COL23A1: variants seen among roughly 807,000 people sequenced by gnomAD.
COL23A1 encodes collagen alpha-1(XXIII) chain.
In COL23A1, 97 loss-of-function variants were observed where a neutral mutation model predicts 99.3. The ratio of observed to expected loss-of-function variants is 0.98; its 90% CI spans 0.83 to 1.16. COL23A1 has a LOEUF of 1.16. COL23A1 is among the 50% of genes most tolerant of loss of function. COL23A1 has a pLI of 0.00. For synonymous variants in COL23A1, 320 were observed against 308.2 expected (o/e 1.04, Z -0.40); for missense variants, 762 against 757.4 (o/e 1.01, Z -0.07).
At chr5:178,325,075 C>T (rs895819787) in intron 2 of COL23A1, among the ~76,000 whole-genome samples, 4 of 152,226 alleles carry the variant, frequency 2.6e-5, no homozygotes, top group African/African-American at 9.6e-5. Flanking sequence ...GGCTGAGTGA[C>T]CCGCTCAAAG....
chr5:178,479,233 C>G, intron 2 of COL23A1, among the ~76,000 whole-genome samples: 1 of 152,176 alleles, frequency 6.6e-6, no homozygotes, highest in Non-Finnish European at 1.5e-5. Flanking sequence ...CATTTTACAG[C>G]TGAAGAAATG....
rs143022710 is a variant in COL23A1 at position 178,324,718 on chromosome 5, G to C, written c.362-17799C>G. Reference sequence around the variant, plus strand: ...CGCGCACCCAGCCTCAGGATTCAATGAGCTGGGACAGAAGTGCCTCACCAG... The same window carrying C: ...CGCGCACCCAGCCTCAGGATTCAATCAGCTGGGACAGAAGTGCCTCACCAG... On this transcript the variant is annotated intron_variant, in intron 2 of 28. Coordinates refer to ENST00000390654, the MANE Select transcript of COL23A1 (RefSeq NM_173465.4). Among the ~76,000 whole-genome samples the C allele has an allele frequency of 7.0e-3, 1,072 of 152,330 alleles. 10 individuals carry two copies. Among genetic ancestry groups the C allele is most frequent in the African/African-American group, 0.025 (1,028 of 41,584 alleles).
At chr5:178,264,860 G>T (rs1017693458) in intron 8 of COL23A1, among the ~76,000 whole-genome samples, 4 of 152,184 alleles carry the variant, frequency 2.6e-5, no homozygotes, top group African/African-American at 9.7e-5. Flanking sequence ...TGGCCAGGCT[G>T]GTTTCGAACT....
chr5:178,393,230 C>T lies in COL23A1; in HGVS notation c.362-86311G>A, dbSNP rs548585940. Among the ~76,000 whole-genome samples the T allele has an allele frequency of 8.1e-4, 123 of 152,120 alleles. 1 individual carries two copies. Among genetic ancestry groups the T allele is most frequent in the Non-Finnish European group, 1.4e-3 (97 of 68,034 alleles). On this transcript the variant is annotated intron_variant, in intron 2 of 28. Coordinates refer to ENST00000390654, the MANE Select transcript of COL23A1 (RefSeq NM_173465.4). ...AAAAGGAAGGAAATTCTGACACATG[C>T]GACAGCACGGATGGACCTTGAGGAT...
chr5:178,297,414 A>C (rs148724743), intron 3 of COL23A1, among the ~76,000 whole-genome samples: 2,303 of 152,276 alleles, frequency 0.015, 74 homozygotes, highest in African/African-American at 0.052. Context: ...GCTACTCAGG[A>C]GGCTGAGGCA....
intron 2 of COL23A1, among the ~76,000 whole-genome samples, chr5:178,404,140 G>C (rs186826111): frequency 6.6e-6 from 1 of 152,174 alleles, no homozygotes; most frequent in African/African-American, 2.4e-5. Flanking sequence ...GCAGCCATTC[G>C]CGGAGCGCCT....
Position 178,582,228 on chromosome 5 carries a change from A to T in COL23A1, c.294+7676T>A, listed in dbSNP as rs1471071140. 3.3e-5 allele frequency among the ~76,000 whole-genome samples: 5 copies of T among 151,290 alleles called. No individual in the cohort carries two copies. The East Asian group carries it at 9.7e-4, about 29-fold the overall frequency. On this transcript the variant is annotated intron_variant, in intron 1 of 28. Transcript: ENST00000390654. ...TCTCAAAAAAAAAAAAAAAAAAAAA[A>T]AAAAGGAAGGGAGAGAAGGATGGGC...
intron 2 of COL23A1, among the ~76,000 whole-genome samples, chr5:178,533,076 G>A (rs1760738204): frequency 6.6e-6 from 1 of 152,154 alleles, no homozygotes; most frequent in Non-Finnish European, 1.5e-5. Context: ...TCTGTAAGAT[G>A]GGGAAATGCC....
chr5:178,589,821 C>T lies in COL23A1; in HGVS notation c.294+83G>A. The T allele has an allele frequency of 8.4e-7, 1 of 1,196,116 alleles. No homozygotes were observed. Among genetic ancestry groups the T allele is most frequent in the Non-Finnish European group, 1.0e-6 (1 of 953,994 alleles). 74.1% of individuals were successfully genotyped at this position (1,196,116 alleles called of 1,614,324 possible). On this transcript the variant is annotated intron_variant, in intron 1 of 28. Transcript: ENST00000390654. The surrounding 1 kb of genome is among the most constrained non-coding windows in gnomAD (Gnocchi z 5.4). ...GGGCGACCCTCCTCCCAGAGACCTGCACGCTGCCCCCGGCTCCCAGCGTAC... is the reference window on the plus strand; with the variant it reads ...GGGCGACCCTCCTCCCAGAGACCTGTACGCTGCCCCCGGCTCCCAGCGTAC...
intron 6 of COL23A1, among the ~76,000 whole-genome samples, chr5:178,269,083 C>T (rs954969388): frequency 6.6e-5 from 10 of 152,154 alleles, no homozygotes; most frequent in Admixed American, 2.6e-4. Flanking sequence ...GCTCAGCACC[C>T]GCCCTGTCAT....
intron 2 of COL23A1, among the ~76,000 whole-genome samples, chr5:178,418,434 T>C (rs1055609656): frequency 1.3e-5 from 2 of 152,226 alleles, no homozygotes; most frequent in Non-Finnish European, 2.9e-5. Context: ...CCTGATTCTG[T>C]TGTCCCCTTA....
chr5:178,508,015 TTTCTTCTTC>T (rs57811121), intron 2 of COL23A1, among the ~76,000 whole-genome samples: 5 of 150,532 alleles, frequency 3.3e-5, no homozygotes, highest in African/African-American at 7.3e-5. Flanking sequence ...CTTTTTATTT[TTTCTTCTTC>T]TTCTTCTTCT....
intron 2 of COL23A1, among the ~76,000 whole-genome samples, chr5:178,518,524 G>A (rs1391515244): frequency 1.4e-4 from 19 of 133,958 alleles, no homozygotes; most frequent in South Asian, 5.1e-4. Context: ...CCGGGCAGAG[G>A]GGCTCCTCAC....
intron 2 of COL23A1, among the ~76,000 whole-genome samples, chr5:178,361,811 T>C (rs1357491770): frequency 6.6e-6 from 1 of 152,114 alleles, no homozygotes; most frequent in Non-Finnish European, 1.5e-5. Context: ...GCTCTCACTG[T>C]CTCCTGCTGC....
In COL23A1 at chr5:178,259,877, T is replaced by G. The variant is rs1038430907; in HGVS notation, c.703-130A>C. On this transcript the variant is annotated intron_variant, in intron 11 of 28. Transcript: ENST00000390654. ...TGCCCAGGGCCAGCCCAGAGACCCC[T>G]GAATGCTTCAGAGAGCTGCGGCGGA... The G allele has an allele frequency of 8.7e-5, 65 of 751,182 alleles. No homozygotes were observed. In the African/African-American group the frequency reaches 1.1e-3, roughly 13 times the overall value. The allele number at this position is 751,182 out of a possible 1,614,324, so 46.5% of individuals were successfully genotyped here.
At chr5:178,518,261 T>C (rs1331754853) in intron 2 of COL23A1, among the ~76,000 whole-genome samples, 1 of 145,676 alleles carries the variant, frequency 6.9e-6, no homozygotes, top group Non-Finnish European at 1.5e-5. Flanking sequence ...TTTTTCTTAG[T>C]GCAGAACAAA....
chr5:178,268,710 C>T lies in COL23A1; in HGVS notation c.495+20G>A, dbSNP rs762032314. 8 of 1,601,216 alleles carry T rather than the reference C, an allele frequency of 5.0e-6. No individual in the cohort carries two copies. The highest frequency in any genetic ancestry group is 2.3e-5 in the South Asian group (2 of 88,598). ...TCTTCGCCTGCCTACCACATCTGCACAGCCTCTGGCATCACTTACCTTTTC... is the reference window on the plus strand; with the variant it reads ...TCTTCGCCTGCCTACCACATCTGCATAGCCTCTGGCATCACTTACCTTTTC... On this transcript the variant is annotated intron_variant, in intron 7 of 28. Transcript: ENST00000390654.
intron 2 of COL23A1, among the ~76,000 whole-genome samples, chr5:178,548,343 A>G (rs954107321): frequency 6.6e-6 from 1 of 151,932 alleles, no homozygotes; most frequent in Non-Finnish European, 1.5e-5. Context: ...GCCAAAATTA[A>G]CAGATCTCAA....
chr5:178,349,808 T>G (rs950926403), intron 2 of COL23A1, among the ~76,000 whole-genome samples: 24 of 152,114 alleles, frequency 1.6e-4, no homozygotes, highest in Non-Finnish European at 3.1e-4. Flanking sequence ...CTGTGTGGCT[T>G]CAGCTCCACT....
Sources: allele counts gnomAD v4.1 joint callset (sites outside exome capture counted in the v4.1 genomes callset), GRCh38; gene constraint gnomAD v4.1.1; non-coding constraint Gnocchi (gnomAD v3.1); transcripts MANE v1.5; gene names NCBI Gene and HGNC (gene_info 2026-07-23, HGNC 2026-07-21).